POGZ: variants seen among roughly 807,000 people sequenced by gnomAD.
The protein encoded by POGZ is pogo transposable element with ZNF domain.
A neutral mutation model predicts 134.6 loss-of-function variants in POGZ; 17 were observed. That is an observed-to-expected ratio of 0.13 (90% confidence interval 0.09 to 0.19). POGZ has a LOEUF of 0.19. Ranked by LOEUF, POGZ falls within the 10% of genes least tolerant of loss-of-function variation. The probability of loss-of-function intolerance (pLI) is 1.00; values close to 1 mark genes in which losing one functional copy is unlikely to be tolerated. For synonymous variants in POGZ, 693 were observed against 657.1 expected, an observed-to-expected ratio of 1.05 and a Z score of -0.84; for missense variants, 1,306 against 1,769.7, an observed-to-expected ratio of 0.74 and a Z score of 4.70.
At chr1:151,421,312 A>G (rs1476919088) in intron 10 of POGZ, among the ~76,000 whole-genome samples, 1 of 151,632 alleles carries the variant, frequency 6.6e-6, no homozygotes, top group Non-Finnish European at 1.5e-5. Flanking sequence ...TTGCCAATAA[A>G]TGGTCAGAGA....
intron 1 of POGZ, among the ~76,000 whole-genome samples, chr1:151,446,689 G>A (rs1430101142): frequency 6.7e-6 from 1 of 150,154 alleles, no homozygotes; most frequent in African/African-American, 2.5e-5. Flanking sequence ...CTGAGAGGTG[G>A]AGGTCGCAGT....
At chr1:151,407,059 C>A in intron 16 of POGZ, 36 bp from the exon 17 acceptor site, 1 of 1,502,180 alleles carries the variant, frequency 6.7e-7, no homozygotes, top group East Asian at 2.3e-5. Flanking sequence ...AAGACAAACA[C>A]AGCAGTGACA....
intron 1 of POGZ, among the ~76,000 whole-genome samples, chr1:151,454,539 C>G (rs1422607016): frequency 6.6e-6 from 1 of 152,166 alleles, no homozygotes; most frequent in East Asian, 1.9e-4. Flanking sequence ...TTCCTCTTGT[C>G]TGGTAGCCAA....
At chr1:151,433,886 A>C (rs1322074838) in intron 3 of POGZ, among the ~76,000 whole-genome samples, 6 of 152,192 alleles carry the variant, frequency 3.9e-5, no homozygotes, top group Admixed American at 3.9e-4. Context: ...AAGCCTTTAA[A>C]AGGATTATCC....
At chr1:151,450,076 G>C (rs1420454383) in intron 1 of POGZ, among the ~76,000 whole-genome samples, 2 of 129,086 alleles carry the variant, frequency 1.5e-5, no homozygotes, top group Non-Finnish European at 3.1e-5. Flanking sequence ...CTGTCACCCA[G>C]GCTGCAGCGC....
chr1:151,458,852 G>C (rs1287732270), intron 1 of POGZ, among the ~76,000 whole-genome samples: 1 of 145,418 alleles, frequency 6.9e-6, no homozygotes, highest in African/African-American at 2.5e-5. Context: ...GGCGGGGGCG[G>C]CCGGCCAGCC....
intron 10 of POGZ, among the ~76,000 whole-genome samples, chr1:151,418,390 T>G (rs1656164233): frequency 2.6e-5 from 4 of 151,102 alleles, no homozygotes; most frequent in African/African-American, 4.9e-5. Flanking sequence ...AAAAAAAAAG[T>G]AGATCTCATG....
rs781754400 is a variant in POGZ at position 151,429,628 on chromosome 1, C to G, written c.543G>C (p.Thr181=). Residue 181 remains threonine, a synonymous_variant, in exon 5 of 19, where the codon ACG becomes ACC. Transcript: ENST00000271715. ...CTGGAACTAGTGTAATTGGTCTAAC[C>G]GTTTGGCCTTGCTGTACGTTCAGCA... ...GIVLNVQQGQ[T]VRPITLVPAP... is the part of the protein sequence containing the mutation. 36 of 1,605,666 alleles carry G rather than the reference C, an allele frequency of 2.2e-5. No homozygotes were observed. Among genetic ancestry groups the G allele is most frequent in the Non-Finnish European group, 3.0e-5 (35 of 1,172,576 alleles).
At chr1:151,456,885 A>C (rs537601640) in intron 1 of POGZ, among the ~76,000 whole-genome samples, 21 of 152,232 alleles carry the variant, frequency 1.4e-4, no homozygotes, top group Non-Finnish European at 2.2e-4. Context: ...CCTCAAAAAA[A>C]TAAAAATAGA....
intron 12 of POGZ, among the ~76,000 whole-genome samples, chr1:151,410,789 A>G (rs1019923558): frequency 1.3e-5 from 2 of 152,086 alleles, no homozygotes; most frequent in South Asian, 4.1e-4. Context: ...TACTTTCTCT[A>G]TTGTTTCTAT....
rs185937528 is a variant in POGZ at position 151,423,838 on chromosome 1, C to A, written c.1523+111G>T. The A allele has an allele frequency of 5.8e-5, 47 of 807,672 alleles. No homozygotes were observed. In the African/African-American group the frequency reaches 7.3e-4, roughly 13 times the overall value. 50.0% of individuals were successfully genotyped at this position (807,672 alleles called of 1,614,324 possible). On this transcript the variant is annotated intron_variant, in intron 9 of 18. Transcript: ENST00000271715. ...GTTATTGATTTAATGATAACCCCAGCAAGACTGCATAGTAGTTAGGTCCAT... is the reference window on the plus strand; with the variant it reads ...GTTATTGATTTAATGATAACCCCAGAAAGACTGCATAGTAGTTAGGTCCAT...
At chr1:151,419,655 TGA>T (rs1470632936) in intron 10 of POGZ, among the ~76,000 whole-genome samples, 1 of 95,000 alleles carries the variant, frequency 1.1e-5, no homozygotes, top group East Asian at 3.0e-4. Context: ...GCTAACAGAG[TGA>T]GACCCTGTCT....
Position 151,403,952 on chromosome 1 carries a change from C to T in POGZ, c.*850G>A. On this transcript the variant is annotated 3_prime_UTR_variant, in exon 19 of 19. Coordinates refer to ENST00000271715, the MANE Select transcript of POGZ (RefSeq NM_015100.4). Reference sequence around the variant, plus strand: ...TTCAGTATCTCTTGCTTGCTAATAACACCTGTATGATCCTTTGTCCAGAGG... The same window carrying T: ...TTCAGTATCTCTTGCTTGCTAATAATACCTGTATGATCCTTTGTCCAGAGG... 1 of 985,458 alleles carries T rather than the reference C, an allele frequency of 1.0e-6. No individual in the cohort carries two copies. Among genetic ancestry groups the T allele is most frequent in the African/African-American group, 1.7e-5 (1 of 57,362 alleles). 61.0% of individuals were successfully genotyped at this position (985,458 alleles called of 1,614,324 possible).
intron 5 of POGZ, among the ~76,000 whole-genome samples, chr1:151,429,216 A>G (rs1003430816): frequency 2.6e-5 from 4 of 152,054 alleles, no homozygotes; most frequent in African/African-American, 4.8e-5. Flanking sequence ...TCATTTGTTT[A>G]TATCTAAAAT....
At chr1:151,425,147 C>T in intron 7 of POGZ, 86 bp from the exon 8 acceptor site, 1 of 718,334 alleles carries the variant, frequency 1.4e-6, no homozygotes, top group Admixed American at 2.1e-5. Flanking sequence ...TCAAACACTC[C>T]CTGAGAAGTA....
intron 1 of POGZ, among the ~76,000 whole-genome samples, chr1:151,450,100 C>T (rs955992482): frequency 1.5e-5 from 2 of 135,960 alleles, no homozygotes; most frequent in Non-Finnish European, 3.0e-5. Context: ...GGCACGATCT[C>T]GGCTCACTGC....
At position 151,406,284 on chromosome 1, in the gene POGZ, T is replaced by C. The variant is rs764006014; in HGVS notation, c.2751A>G (p.Pro917=). ...ALPSPASTAT[P]PPTPTHPQAL... Reference sequence around the variant, plus strand: ...CCTGCGGGTGAGTGGGGGTTGGTGGTGGGGTTGCAGTTGAGGCTGGTGATG... The same window carrying C: ...CCTGCGGGTGAGTGGGGGTTGGTGGCGGGGTTGCAGTTGAGGCTGGTGATG... The change falls in exon 19 of 19, where the codon CCA becomes CCG. Residue 917 remains proline, a synonymous_variant. Transcript: ENST00000271715. The C allele has an allele frequency of 6.2e-7, 1 of 1,611,634 alleles. No individual in the cohort carries two copies. The highest frequency in any genetic ancestry group is 8.5e-7 in the Non-Finnish European group (1 of 1,178,580).
chr1:151,421,639 A>G (rs1191133212), intron 10 of POGZ, among the ~76,000 whole-genome samples: 1 of 152,220 alleles, frequency 6.6e-6, no homozygotes, highest in Admixed American at 6.5e-5. Context: ...TTATACAGCC[A>G]CCCTGCTATG....
intron 10 of POGZ, among the ~76,000 whole-genome samples, chr1:151,414,280 G>A (rs1313087349): frequency 6.6e-6 from 1 of 152,082 alleles, no homozygotes; most frequent in South Asian, 2.1e-4. Flanking sequence ...CTCACCCCCC[G>A]ATTTGTTTAC....
Sources: allele counts gnomAD v4.1 joint callset (sites outside exome capture counted in the v4.1 genomes callset), GRCh38; gene constraint gnomAD v4.1.1; transcripts MANE v1.5; gene names NCBI Gene and HGNC (gene_info 2026-07-23, HGNC 2026-07-21).